Variants in XPNPEP3 observed in about 807,000 individuals in gnomAD.
XPNPEP3 encodes xaa-Pro aminopeptidase 3.
A neutral mutation model predicts 60.0 loss-of-function variants in XPNPEP3; 41 were observed. That is an observed-to-expected ratio of 0.68 (90% CI 0.53 to 0.89). The LOEUF (loss-of-function observed/expected upper bound fraction) is 0.89, where lower values mean the gene tolerates loss of function less well. Ranked by LOEUF, XPNPEP3 falls within the 40% of genes least tolerant of loss-of-function variation. The pLI, the probability that XPNPEP3 is intolerant of heterozygous loss-of-function variation, is 0.00. For synonymous variants in XPNPEP3, 212 were observed against 223.2 expected, an observed-to-expected ratio of 0.95 and a Z score of 0.45; for missense variants, 598 against 638.9, an observed-to-expected ratio of 0.94 and a Z score of 0.69.
At chr22:40,908,090 T>C (rs1198987368) in intron 5 of XPNPEP3, among the ~76,000 whole-genome samples, 1 of 151,966 alleles carries the variant, frequency 6.6e-6, no homozygotes, top group Non-Finnish European at 1.5e-5. Flanking sequence ...AACGTATGCC[T>C]GTAATCCCAG....
intron 4 of XPNPEP3, among the ~76,000 whole-genome samples, chr22:40,906,479 T>G (rs1406084840): frequency 6.6e-6 from 1 of 151,700 alleles, no homozygotes; most frequent in Non-Finnish European, 1.5e-5. Context: ...ATTAATAAAA[T>G]TACTTATACT....
chr22:40,865,206 G>A (rs1173648173), intron 1 of XPNPEP3, among the ~76,000 whole-genome samples: 1 of 151,892 alleles, frequency 6.6e-6, no homozygotes, highest in Non-Finnish European at 1.5e-5. Context: ...TCTGTCTTCT[G>A]TCTTCTTTAC....
intron 7 of XPNPEP3, among the ~76,000 whole-genome samples, chr22:40,916,177 A>C (rs2058195350): frequency 6.6e-6 from 1 of 151,958 alleles, no homozygotes; most frequent in Non-Finnish European, 1.5e-5. Context: ...CTGTAATCCC[A>C]GCTACTCGGG....
Position 40,924,359 on chromosome 22 carries a change from C to A in XPNPEP3, c.1237-3C>A. ...ATGATACTGTGACAATTATCTTTTC[C>A]AGGCTGCTCGAAAATACTGTCCTCA... On this transcript the variant is annotated splice_region_variant and splice_polypyrimidine_tract_variant and intron_variant, in intron 8 of 9. Transcript: ENST00000357137. 6.2e-7 allele frequency: 1 copy of A among 1,614,084 alleles called. No individual in the cohort carries two copies. Among genetic ancestry groups the A allele is most frequent in the Non-Finnish European group, 8.5e-7 (1 of 1,180,006 alleles).
intron 4 of XPNPEP3, among the ~76,000 whole-genome samples, chr22:40,906,231 TG>T (rs2058154971): frequency 6.6e-6 from 1 of 151,942 alleles, no homozygotes; most frequent in Admixed American, 6.6e-5. Context: ...TGAGCCACCC[TG>T]GGAGGCTGAA....
In XPNPEP3 at chr22:40,924,441, C is replaced by G. The variant is rs376239218; in HGVS notation, c.1316C>G (p.Ser439Cys). ...CATGACACTCCAGACATGCCCCGTTCCCTCCCTCTGCAGCCTGGGATGGTA... is the reference window on the plus strand; with the variant it reads ...CATGACACTCCAGACATGCCCCGTTGCCTCCCTCTGCAGCCTGGGATGGTA... ...DVHDTPDMPR[S>C]LPLQPGMVIT... Residue 439 changes from serine to cysteine, a missense_variant, in exon 9 of 10, where the codon TCC becomes TGC. Ser to Cys is a moderately radical substitution (Grantham distance 112). Coordinates refer to ENST00000357137, the MANE Select transcript of XPNPEP3 (RefSeq NM_022098.4). 1.9e-6 allele frequency: 3 copies of G among 1,614,168 alleles called. No homozygotes were observed. The highest frequency in any genetic ancestry group is 1.6e-4 in the Middle Eastern group (1 of 6,062).
intron 2 of XPNPEP3, among the ~76,000 whole-genome samples, chr22:40,875,713 A>C (rs1398935440): frequency 1.3e-5 from 2 of 152,092 alleles, no homozygotes; most frequent in Non-Finnish European, 2.9e-5. Flanking sequence ...AATACTAGAA[A>C]ATTAAAAATA....
At chr22:40,924,036 CTTTTAT>C (rs2146281901) in intron 8 of XPNPEP3, among the ~76,000 whole-genome samples, 1 of 151,298 alleles carries the variant, frequency 6.6e-6, no homozygotes, top group South Asian at 2.1e-4. Flanking sequence ...TTTTTTCTTT[CTTTTAT>C]TTTTATCTTT....
At chr22:40,895,678 T>G (rs2058105108) in intron 4 of XPNPEP3, among the ~76,000 whole-genome samples, 1 of 152,074 alleles carries the variant, frequency 6.6e-6, no homozygotes, top group East Asian at 1.9e-4. Context: ...TAAAAAAAAT[T>G]GAATTATAGA....
At chr22:40,914,893 C>T (rs145501173) in intron 7 of XPNPEP3, among the ~76,000 whole-genome samples, 1 of 152,078 alleles carries the variant, frequency 6.6e-6, no homozygotes, top group Non-Finnish European at 1.5e-5. Flanking sequence ...CTTTGTAGCT[C>T]ATGAGTGTGA....
At chr22:40,892,606 G>C (rs1339614401) in intron 4 of XPNPEP3, among the ~76,000 whole-genome samples, 4 of 152,164 alleles carry the variant, frequency 2.6e-5, no homozygotes, top group African/African-American at 9.7e-5. Flanking sequence ...AACATGACAT[G>C]TTGTCGCCAT....
At chr22:40,893,410 G>T (rs922568367) in intron 4 of XPNPEP3, among the ~76,000 whole-genome samples, 3 of 147,772 alleles carry the variant, frequency 2.0e-5, no homozygotes, top group Non-Finnish European at 3.0e-5. Context: ...GGAGGCTGAG[G>T]CAGGAGAATC....
intron 6 of XPNPEP3, 38 bp from the exon 7 acceptor site, chr22:40,914,201 T>G (rs2146274450): frequency 5.4e-3 from 8,103 of 1,497,186 alleles, no homozygotes; most frequent in Non-Finnish European, 6.9e-3. Flanking sequence ...CTTATAATCA[T>G]GAGCTTATCC....
intron 4 of XPNPEP3, among the ~76,000 whole-genome samples, chr22:40,895,350 T>G (rs1343955229): frequency 1.3e-5 from 2 of 152,262 alleles, no homozygotes; most frequent in East Asian, 3.9e-4. Context: ...TTCTTTTTTT[T>G]TTTGAGGCAG....
chr22:40,920,797 G>A (rs965953667), intron 7 of XPNPEP3, among the ~76,000 whole-genome samples: 103 of 151,632 alleles, frequency 6.8e-4, no homozygotes, highest in African/African-American at 2.5e-3. Flanking sequence ...TTCTTTTTTT[G>A]TTTTGTTTTT....
intron 4 of XPNPEP3, among the ~76,000 whole-genome samples, chr22:40,898,910 G>A (rs2058120301): frequency 6.6e-6 from 1 of 152,104 alleles, no homozygotes; most frequent in Non-Finnish European, 1.5e-5. Flanking sequence ...ACTATGTGAT[G>A]AGGGAGGGGC....
chr22:40,877,218 G>C (rs1362580610), intron 2 of XPNPEP3, among the ~76,000 whole-genome samples: 1 of 152,058 alleles, frequency 6.6e-6, no homozygotes. Flanking sequence ...TTTCTGAGAG[G>C]CCTGTTTTAC....
chr22:40,871,930 G>C (rs912887464), intron 2 of XPNPEP3, among the ~76,000 whole-genome samples: 4 of 152,178 alleles, frequency 2.6e-5, no homozygotes, highest in African/African-American at 9.7e-5. Context: ...CTATTCAGGA[G>C]GCTGAGGCAG....
At chr22:40,894,266 T>C (rs994324212) in intron 4 of XPNPEP3, among the ~76,000 whole-genome samples, 1 of 152,182 alleles carries the variant, frequency 6.6e-6, no homozygotes, top group African/African-American at 2.4e-5. Context: ...GAGAATATTA[T>C]TCTCTTGCTT....
Sources: gnomAD v4.1 joint callset for allele counts (sites outside exome capture counted in the v4.1 genomes callset) on GRCh38, gnomAD v4.1.1 for gene constraint, MANE v1.5 for transcripts, NCBI Gene and HGNC (gene_info 2026-07-23, HGNC 2026-07-21) for gene names.